BMP5: variants seen among roughly 807,000 people sequenced by gnomAD.
BMP5 encodes bone morphogenetic protein 5.
A neutral mutation model predicts 46.6 loss-of-function variants in BMP5; 23 were observed. That is an observed-to-expected ratio of 0.49 (90% CI 0.35 to 0.70). The LOEUF (loss-of-function observed/expected upper bound fraction) is 0.70. BMP5 is among the 30% of genes least tolerant of loss of function. BMP5 has a pLI of 0.00. For missense variants in BMP5, 545 were observed against 565.6 expected, an observed-to-expected ratio of 0.96 and a Z score of 0.37; for synonymous variants, 204 against 191.9, an observed-to-expected ratio of 1.06 and a Z score of -0.52.
At chr6:55,821,950 A>G (rs1482928132) in intron 1 of BMP5, among the ~76,000 whole-genome samples, 2 of 152,236 alleles carry the variant, frequency 1.3e-5, no homozygotes, top group Non-Finnish European at 2.9e-5. Context: ...TAAATGAAGT[A>G]GATGACATCA....
At chr6:55,799,524 G>A (rs1775793430) in intron 2 of BMP5, among the ~76,000 whole-genome samples, 1 of 152,180 alleles carries the variant, frequency 6.6e-6, no homozygotes, top group Non-Finnish European at 1.5e-5. Context: ...AAGTTTACCT[G>A]TGGAGGCCAA....
chr6:55,830,599 G>A (rs192630486), intron 1 of BMP5, among the ~76,000 whole-genome samples: 27 of 152,124 alleles, frequency 1.8e-4, no homozygotes, highest in African/African-American at 5.5e-4. Context: ...ATAATTTCCT[G>A]AGTCTCCAAT....
chr6:55,782,631 G>C (rs957299289), intron 3 of BMP5, among the ~76,000 whole-genome samples: 2 of 152,082 alleles, frequency 1.3e-5, no homozygotes, highest in Admixed American at 6.6e-5. Context: ...TATCAGTTGT[G>C]TTACTTCAGA....
intron 1 of BMP5, among the ~76,000 whole-genome samples, chr6:55,873,326 T>C (rs1777828232): frequency 6.6e-6 from 1 of 151,984 alleles, no homozygotes; most frequent in Non-Finnish European, 1.5e-5. Flanking sequence ...CTAAAAGCTA[T>C]AACATCATAA....
chr6:55,780,330 C>T (rs537045296), intron 3 of BMP5, among the ~76,000 whole-genome samples: 2 of 150,972 alleles, frequency 1.3e-5, no homozygotes, highest in African/African-American at 2.4e-5. Flanking sequence ...GGATAAGAAA[C>T]GTGCTTATGG....
chr6:55,777,821 T>C (rs1775213085), intron 3 of BMP5, among the ~76,000 whole-genome samples: 2 of 152,026 alleles, frequency 1.3e-5, no homozygotes, highest in South Asian at 2.1e-4. Context: ...AAAGAAAATC[T>C]AATACATCCC....
At chr6:55,870,041 G>C (rs1265647289) in intron 1 of BMP5, among the ~76,000 whole-genome samples, 1 of 152,064 alleles carries the variant, frequency 6.6e-6, no homozygotes, top group East Asian at 1.9e-4. Flanking sequence ...AAAATACTGG[G>C]ATGAGAAGGG....
intron 1 of BMP5, among the ~76,000 whole-genome samples, chr6:55,837,335 T>TTAGATAGATAGATAGA (rs34459081): frequency 1.9e-3 from 235 of 124,008 alleles, no homozygotes; most frequent in East Asian, 7.5e-3. Context: ...TAAAACTAAT[T>TTAGATAGATAGATAGA]TAGATAGATA....
intron 2 of BMP5, among the ~76,000 whole-genome samples, chr6:55,817,842 C>T (rs755514614): frequency 5.3e-5 from 8 of 152,094 alleles, no homozygotes; most frequent in Non-Finnish European, 1.2e-4. Context: ...AAGGCGTAGC[C>T]TAATTGAATG....
chr6:55,828,437 T>TC (rs1776581783), intron 1 of BMP5, among the ~76,000 whole-genome samples: 1 of 151,792 alleles, frequency 6.6e-6, no homozygotes, highest in Non-Finnish European at 1.5e-5. Context: ...CTTTAACAGC[T>TC]CTTAGCCTAG....
intron 2 of BMP5, among the ~76,000 whole-genome samples, chr6:55,797,614 C>CTTTTTTTTTT (rs60366569): frequency 2.7e-5 from 3 of 110,598 alleles, no homozygotes; most frequent in Non-Finnish European, 5.4e-5. Context: ...ATTTTCTTTT[C>CTTTTTTTTTT]TTTTTTTTTT....
At chr6:55,776,516 A>AT (rs1775176117) in intron 3 of BMP5, among the ~76,000 whole-genome samples, 1 of 149,724 alleles carries the variant, frequency 6.7e-6, no homozygotes, top group South Asian at 2.1e-4. Context: ...TGTTCTTTAA[A>AT]TTTTTTCATT....
At chr6:55,811,567 T>A (rs1776134499) in intron 2 of BMP5, among the ~76,000 whole-genome samples, 2 of 152,186 alleles carry the variant, frequency 1.3e-5, no homozygotes, top group African/African-American at 4.8e-5. Flanking sequence ...TAATTCATTA[T>A]ACGCTTGAAC....
Position 55,755,649 on chromosome 6 carries a change from G to C in BMP5, c.1249C>G (p.Pro417Ala), listed in dbSNP as rs148450822. The change falls in exon 7 of 7, where the codon CCT (proline) becomes GCT (alanine). Residue 417 changes from proline (P) to alanine (A), a missense_variant. Pro to Ala is a conservative substitution (Grantham distance 27). Transcript: ENST00000370830. ...TTTAATTTGGTTGGAGCACAACAAGGCTTTGGTACGTGGTCAGGAAACATC... is the reference window on the plus strand; with the variant it reads ...TTTAATTTGGTTGGAGCACAACAAGCCTTTGGTACGTGGTCAGGAAACATC... ...HLMFPDHVPK[P>A]CCAPTKLNAI... 4 of 1,612,382 alleles carry C rather than the reference G, an allele frequency of 2.5e-6. No homozygotes were observed. The highest frequency in any genetic ancestry group is 3.4e-6 in the Non-Finnish European group (4 of 1,178,868).
At chr6:55,776,038 A>G (rs1218789733) in intron 3 of BMP5, among the ~76,000 whole-genome samples, 1 of 152,010 alleles carries the variant, frequency 6.6e-6, no homozygotes, top group East Asian at 1.9e-4. Context: ...TCTGCCTCAC[A>G]AATGCCACTA....
At chr6:55,837,809 C>T (rs1776854406) in intron 1 of BMP5, among the ~76,000 whole-genome samples, 2 of 152,084 alleles carry the variant, frequency 1.3e-5, no homozygotes, top group South Asian at 2.1e-4. Context: ...TGCCAGCCTC[C>T]CACTACCCTT....
chr6:55,788,836 C>T (rs1040344354), intron 3 of BMP5, among the ~76,000 whole-genome samples: 3 of 151,832 alleles, frequency 2.0e-5, no homozygotes, highest in Admixed American at 1.3e-4. Context: ...CATTTATCCT[C>T]CTCATTTAAA....
intron 2 of BMP5, among the ~76,000 whole-genome samples, chr6:55,818,643 A>C (rs138092932): frequency 1.3e-5 from 2 of 152,190 alleles, no homozygotes; most frequent in Non-Finnish European, 2.9e-5. Context: ...ATGACCTCAG[A>C]AGCTTTTTAA....
At chr6:55,765,756 C>G (rs1302500884) in intron 4 of BMP5, among the ~76,000 whole-genome samples, 1 of 152,142 alleles carries the variant, frequency 6.6e-6, no homozygotes, top group Non-Finnish European at 1.5e-5. Flanking sequence ...TATATTAACA[C>G]AATTTTGTGT....
Sources: gnomAD v4.1 joint callset for allele counts (sites outside exome capture counted in the v4.1 genomes callset) on GRCh38, gnomAD v4.1.1 for gene constraint, MANE v1.5 for transcripts, NCBI Gene and HGNC (gene_info 2026-07-23, HGNC 2026-07-21) for gene names.